MYOCD: variants seen among roughly 807,000 people sequenced by gnomAD.
The protein encoded by MYOCD is myocardin.
MYOCD carries 32 observed loss-of-function variants against 96.1 expected under a neutral mutation model. That is an observed-to-expected ratio of 0.33 (90% CI 0.25 to 0.45). The LOEUF is 0.45. Among genes scored for constraint, MYOCD ranks in the 20% least tolerant of loss-of-function variants. The pLI, the probability that MYOCD is intolerant of heterozygous loss-of-function variation, is 1.00. For missense variants in MYOCD, 1,133 were observed against 1,200.6 expected (o/e 0.94, Z 0.83); for synonymous variants, 469 against 469.0 (o/e 1.00, Z 0.00).
intron 4 of MYOCD, among the ~76,000 whole-genome samples, chr17:12,719,530 A>C (rs1387913832): frequency 6.6e-6 from 1 of 151,984 alleles, no homozygotes; most frequent in Non-Finnish European, 1.5e-5. Flanking sequence ...TCAACCATAC[A>C]ATTTAATGCT....
intron 9 of MYOCD, among the ~76,000 whole-genome samples, chr17:12,749,887 T>A (rs1465451409): frequency 6.6e-6 from 1 of 152,040 alleles, no homozygotes; most frequent in East Asian, 1.9e-4. Context: ...GCTCGCTCTG[T>A]CGCCCAGGCT....
At chr17:12,750,126 G>A (rs889608072) in intron 9 of MYOCD, among the ~76,000 whole-genome samples, 1 of 151,968 alleles carries the variant, frequency 6.6e-6, no homozygotes, top group African/African-American at 2.4e-5. Flanking sequence ...AGTGAGCCAC[G>A]GCGCCCGGCT....
rs1342828978 is a variant in MYOCD, at chr17:12,749,353, C to G, written c.1126-3061C>G. Reference sequence around the variant, plus strand: ...AACCAGCATGGCCAACATGGTGAAACCCCATCTCTACTAAAAATACAAAAA... The same window carrying G: ...AACCAGCATGGCCAACATGGTGAAAGCCCATCTCTACTAAAAATACAAAAA... On this transcript the variant is annotated intron_variant, in intron 9 of 13. Coordinates refer to ENST00000425538, the MANE Select transcript of MYOCD (RefSeq NM_001146312.3). Among the ~76,000 whole-genome samples, 7 of 151,860 alleles carry G rather than the reference C, an allele frequency of 4.6e-5. No homozygotes were observed. In the East Asian group the frequency reaches 1.4e-3, roughly 29 times the overall value.
chr17:12,730,629 G>C (rs1036026663), intron 5 of MYOCD, among the ~76,000 whole-genome samples: 1 of 152,122 alleles, frequency 6.6e-6, no homozygotes, highest in Non-Finnish European at 1.5e-5. Context: ...ACTATGACAT[G>C]CTAAATCTAT....
chr17:12,726,278 T>A (rs1357461411), intron 5 of MYOCD, among the ~76,000 whole-genome samples: 1 of 152,156 alleles, frequency 6.6e-6, no homozygotes, highest in Non-Finnish European at 1.5e-5. Flanking sequence ...CTGTCACTAC[T>A]CAACTCTGAT....
intron 9 of MYOCD, among the ~76,000 whole-genome samples, chr17:12,748,770 A>C (rs1342964097): frequency 6.6e-6 from 1 of 152,240 alleles, no homozygotes; most frequent in African/African-American, 2.4e-5. Context: ...ATTCAAAATT[A>C]AAACAATAAT....
At position 12,767,765 on chromosome 17, in the gene MYOCD, T is replaced by A. The variant is rs568628637; in HGVS notation, c.*4121T>A. On this transcript the variant is annotated 3_prime_UTR_variant, in exon 14 of 14. Coordinates refer to ENST00000425538, the MANE Select transcript of MYOCD (RefSeq NM_001146312.3). ...GGAGATCTTTTAATATCTCCCATCA[T>A]TTAAAACATCCACGAGAGTTTGAAG... The A allele has an allele frequency of 2.6e-5, 4 of 152,208 alleles. No individual in the cohort carries two copies. The highest frequency in any genetic ancestry group is 5.9e-5 in the Non-Finnish European group (4 of 68,034). The allele number at this position is 152,208 out of a possible 1,614,324, so 9.4% of individuals were successfully genotyped here. A position where few individuals can be genotyped will look rare whatever the true frequency, so the allele number is the denominator to read the frequency against.
rs1447079775 is a variant in MYOCD, at chr17:12,766,235, T to C, written c.*2591T>C. 1 of 152,202 alleles carries C rather than the reference T, an allele frequency of 6.6e-6. No homozygotes were observed. Among genetic ancestry groups the C allele is most frequent in the Admixed American group, 6.5e-5 (1 of 15,276 alleles). The allele number at this position is 152,202 out of a possible 1,614,324, so 9.4% of individuals were successfully genotyped here. ...TCTGAGACCTGGGACTGAGTGTTAA[T>C]TATTTTTTCCTTGGGTATTTCTATC... On this transcript the variant is annotated 3_prime_UTR_variant, in exon 14 of 14. Coordinates refer to ENST00000425538, the MANE Select transcript of MYOCD (RefSeq NM_001146312.3).
At position 12,717,391 on chromosome 17, in the gene MYOCD, G is replaced by T; in HGVS notation, c.223G>T (p.Ala75Ser). ...CAAAGCCAGAAACAGGTGCAACAGT[G>T]CCGACTTGGTTAATATGCACATACT... Reference protein sequence around the residue: ...KRKARNRCNSADLVNMHILQA... With the variant: ...KRKARNRCNSSDLVNMHILQA... The change falls in exon 4 of 14, where the codon GCC (alanine) becomes TCC (serine). Residue 75 changes from alanine (A) to serine (S), a missense_variant. By Grantham distance (99) the Ala-to-Ser change is moderately conservative. Coordinates refer to ENST00000425538, the MANE Select transcript of MYOCD (RefSeq NM_001146312.3). 1 of 1,614,056 alleles carries T rather than the reference G, an allele frequency of 6.2e-7. No homozygotes were observed. The highest frequency in any genetic ancestry group is 8.5e-7 in the Non-Finnish European group (1 of 1,179,972).
Position 12,767,609 on chromosome 17 carries a change from GA to G in MYOCD, c.*3976del, listed in dbSNP as rs569545799. On this transcript the variant is annotated 3_prime_UTR_variant, in exon 14 of 14. Transcript: ENST00000425538. Reference sequence around the variant, plus strand: ...AAACTAGAAACCTTTCAGCTACGATGAAAAAAAAAAAGGGGTCTTCATTTTT... The same window carrying G: ...AAACTAGAAACCTTTCAGCTACGATGAAAAAAAAAAGGGGTCTTCATTTTT... 87 of 146,012 alleles carry G rather than the reference GA, an allele frequency of 6.0e-4. No individual in the cohort carries two copies. The highest frequency in any genetic ancestry group is 8.0e-4 in the East Asian group (4 of 4,984). The allele number at this position is 146,012 out of a possible 1,614,324, so 9.0% of individuals were successfully genotyped here.
intron 2 of MYOCD, among the ~76,000 whole-genome samples, chr17:12,714,748 C>T (rs1477233428): frequency 6.6e-6 from 1 of 152,090 alleles, no homozygotes; most frequent in Non-Finnish European, 1.5e-5. Flanking sequence ...GCTGGCATTC[C>T]ATCCAGGTTG....
rs368809217 is a variant in MYOCD, at chr17:12,759,560, T to A, written c.2332-1090T>A. Among the ~76,000 whole-genome samples, 19 of 152,196 alleles carry A rather than the reference T, an allele frequency of 1.2e-4. No individual in the cohort carries two copies. In the East Asian group the frequency reaches 2.3e-3, roughly 19 times the overall value. ...AGTCTGGGCTCTCAGAGGAGTGAGATGGATATATGCCTTTGTTCTCCCCAT... is the reference window on the plus strand; with the variant it reads ...AGTCTGGGCTCTCAGAGGAGTGAGAAGGATATATGCCTTTGTTCTCCCCAT... On this transcript the variant is annotated intron_variant, in intron 12 of 13. Coordinates refer to ENST00000425538, the MANE Select transcript of MYOCD (RefSeq NM_001146312.3).
chr17:12,730,161 A>G (rs1051340369), intron 5 of MYOCD, among the ~76,000 whole-genome samples: 2 of 152,022 alleles, frequency 1.3e-5, no homozygotes, highest in African/African-American at 4.8e-5. Flanking sequence ...AAAAAGGAAA[A>G]AAAAGGCCAG....
At chr17:12,760,368 T>C (rs537115624) in intron 12 of MYOCD, 2 of 388,310 alleles carry the variant, frequency 5.2e-6, no homozygotes, top group South Asian at 5.8e-5. Flanking sequence ...TGGGAAATTA[T>C]GGTTGAATGG....
intron 10 of MYOCD, among the ~76,000 whole-genome samples, chr17:12,755,558 T>C (rs1000780091): frequency 3.3e-5 from 5 of 151,782 alleles, no homozygotes; most frequent in South Asian, 4.2e-4. Flanking sequence ...CTAGCCAATA[T>C]GGTGAAACCC....
chr17:12,699,297 G>A (rs1306025361), intron 1 of MYOCD, among the ~76,000 whole-genome samples: 1 of 151,754 alleles, frequency 6.6e-6, no homozygotes, highest in African/African-American at 2.4e-5. Flanking sequence ...GCTAAGTTTT[G>A]TATTTTTAGT....
intron 5 of MYOCD, among the ~76,000 whole-genome samples, chr17:12,725,337 T>C (rs1050929565): frequency 2.7e-5 from 4 of 150,182 alleles, no homozygotes; most frequent in Non-Finnish European, 5.9e-5. Context: ...AGTATATTAA[T>C]AAAATAAATT....
chr17:12,718,306 A>G (rs2031711296), intron 4 of MYOCD, among the ~76,000 whole-genome samples: 1 of 152,146 alleles, frequency 6.6e-6, no homozygotes, highest in African/African-American at 2.4e-5. Flanking sequence ...GGATCAAAGA[A>G]AAGAGCCATC....
At chr17:12,687,093 C>A (rs542967218) in intron 1 of MYOCD, among the ~76,000 whole-genome samples, 1 of 151,978 alleles carries the variant, frequency 6.6e-6, no homozygotes, top group Non-Finnish European at 1.5e-5. Context: ...CCATGCAAAC[C>A]GATGATTTTA....
Sources: allele counts gnomAD v4.1 joint callset (sites outside exome capture counted in the v4.1 genomes callset), GRCh38; gene constraint gnomAD v4.1.1; transcripts MANE v1.5; gene names NCBI Gene and HGNC (gene_info 2026-07-23, HGNC 2026-07-21).